The following CKAP5 variants were observed in gnomAD, a reference collection of about 807,000 sequenced individuals.
CKAP5 encodes cytoskeleton associated protein 5.
In CKAP5, 27 loss-of-function variants were observed where a neutral mutation model predicts 232.8. The observed-to-expected ratio is 0.12, with a 90% CI of 0.09 to 0.16. The LOEUF (loss-of-function observed/expected upper bound fraction) is 0.16. Ranked by LOEUF, CKAP5 falls within the 10% of genes least tolerant of loss-of-function variation. The probability of loss-of-function intolerance (pLI) is 1.00; values close to 1 mark genes in which losing one functional copy is unlikely to be tolerated. For synonymous variants in CKAP5, 785 were observed against 841.1 expected, an observed-to-expected ratio of 0.93 and a Z score of 1.16; for missense variants, 1,838 against 2,424.7, an observed-to-expected ratio of 0.76 and a Z score of 5.08.
At chr11:46,762,291 A>G in intron 31 of CKAP5, 98 bp from the exon 32 acceptor site, 2 of 1,222,434 alleles carry the variant, frequency 1.6e-6, no homozygotes, top group African/African-American at 1.5e-5. Flanking sequence ...ATGAAGGACT[A>G]AAACCTTACT....
intron 1 of CKAP5, among the ~76,000 whole-genome samples, chr11:46,833,858 A>ATATTAT (rs977361778): frequency 6.6e-6 from 1 of 151,078 alleles, no homozygotes; most frequent in Non-Finnish European, 1.5e-5. Flanking sequence ...TATTATTATT[A>ATATTAT]TATTATTATT....
intron 18 of CKAP5, among the ~76,000 whole-genome samples, chr11:46,781,213 C>T (rs2065338749): frequency 6.6e-6 from 1 of 152,176 alleles, no homozygotes; most frequent in South Asian, 2.1e-4. Flanking sequence ...TCAGGCTATC[C>T]TTGACTTTTT....
At chr11:46,767,966 T>C (rs2065217237) in intron 26 of CKAP5, among the ~76,000 whole-genome samples, 2 of 151,656 alleles carry the variant, frequency 1.3e-5, no homozygotes, top group African/African-American at 4.8e-5. Flanking sequence ...CTAATTTTCT[T>C]TGTAATTTTT....
intron 42 of CKAP5, among the ~76,000 whole-genome samples, chr11:46,749,457 G>GAAAA (rs951405505): frequency 1.4e-4 from 11 of 76,452 alleles, no homozygotes; most frequent in Admixed American, 3.1e-4. Context: ...TCCGTCTCAA[G>GAAAA]AAAAAAAAAA....
intron 11 of CKAP5, among the ~76,000 whole-genome samples, chr11:46,797,394 A>C (rs1030050095): frequency 3.3e-5 from 5 of 151,434 alleles, no homozygotes; most frequent in African/African-American, 1.2e-4. Context: ...CAACAACAAA[A>C]AAAAAAAAAC....
Position 46,803,840 on chromosome 11 carries a change from T to C in CKAP5, c.979-2536A>G, listed in dbSNP as rs61243239. On this transcript the variant is annotated intron_variant, in intron 8 of 43. Coordinates refer to ENST00000529230, the MANE Select transcript of CKAP5 (RefSeq NM_001008938.4). ...ATTCATTTCTGTATTGAAATCACTA[T>C]TGGTATTTATAAATGTTCTGATTAT... Among the ~76,000 whole-genome samples, 1,079 of 152,336 alleles carry C rather than the reference T, an allele frequency of 7.1e-3. 15 individuals carry two copies. Among genetic ancestry groups the C allele is most frequent in the African/African-American group, 0.025 (1,041 of 41,572 alleles).
intron 38 of CKAP5, among the ~76,000 whole-genome samples, chr11:46,752,193 T>TATATATATATATACACAC (rs1408030107): frequency 3.3e-4 from 22 of 66,524 alleles, no homozygotes; most frequent in African/African-American, 1.1e-3. Flanking sequence ...TATATATATA[T>TATATATATATATACACAC]ACACACACAC....
intron 37 of CKAP5, 21 bp from the exon 38 acceptor site, chr11:46,752,731 A>G: frequency 6.3e-7 from 1 of 1,599,216 alleles, no homozygotes; most frequent in Non-Finnish European, 8.6e-7. Context: ...AACCCAACAC[A>G]ACAGCATTAA....
intron 1 of CKAP5, 148 bp from the exon 2 acceptor site, chr11:46,821,416 CAGG>C: frequency 2.6e-6 from 1 of 380,410 alleles, no homozygotes; most frequent in East Asian, 5.3e-5. Flanking sequence ...ATTCAATTAA[CAGG>C]ACTTTTTTTT....
chr11:46,783,299 C>T lies in CKAP5; in HGVS notation c.2224G>A (p.Ala742Thr). 1 of 1,610,930 alleles carries T rather than the reference C, an allele frequency of 6.2e-7. No homozygotes were observed. Among genetic ancestry groups the T allele is most frequent in the South Asian group, 1.1e-5 (1 of 90,700 alleles). ...CCAGAAAAACCAAATTCTTTTATGGCATTTGATAGCCAATTCAGAGTTTCT... is the reference window on the plus strand; with the variant it reads ...CCAGAAAAACCAAATTCTTTTATGGTATTTGATAGCCAATTCAGAGTTTCT... The part of the protein sequence containing the change: ...QSETLNWLSN[A>T]IKEFGFSGLN... The change falls in exon 18 of 44, where the codon GCC becomes ACC. Residue 742 changes from alanine (A) to threonine (T), a missense_variant. Around this residue, in one of 6 missense-constraint regions of CKAP5, gnomAD observed 767 missense variants for 954.6 expected, o/e 0.80. Transcript: ENST00000529230.
rs969399934 is a variant in CKAP5 at position 46,788,539 on chromosome 11, A to G, written c.1968+142T>C. 8 of 552,248 alleles carry G rather than the reference A, an allele frequency of 1.4e-5. No homozygotes were observed. The African/African-American group carries it at 1.6e-4, about 11-fold the overall frequency. The allele number at this position is 552,248 out of a possible 1,614,324, so 34.2% of individuals were successfully genotyped here. On this transcript the variant is annotated intron_variant, in intron 16 of 43. Transcript: ENST00000529230. ...TGGTGAGCCAAGGTCGTGCCATTGC[A>G]CTCCAGCCTGGGCAACAAGAGCGAA...
At chr11:46,744,956 T>C (rs1425035661) in intron 42 of CKAP5, among the ~76,000 whole-genome samples, 1 of 152,154 alleles carries the variant, frequency 6.6e-6, no homozygotes, top group Non-Finnish European at 1.5e-5. Context: ...AAGAATTAGA[T>C]TAAGTTTGGA....
chr11:46,744,282 A>T lies in CKAP5; in HGVS notation c.5857-17T>A. 3.1e-6 allele frequency: 5 copies of T among 1,613,612 alleles called. No individual in the cohort carries two copies. Among genetic ancestry groups the T allele is most frequent in the Non-Finnish European group, 4.2e-6 (5 of 1,179,832 alleles). On this transcript the variant is annotated splice_polypyrimidine_tract_variant and intron_variant, in intron 43 of 43. Coordinates refer to ENST00000529230, the MANE Select transcript of CKAP5 (RefSeq NM_001008938.4). ...GTCATCTTGCTATTGAGAGAAGGAG[A>T]GAGATTGTCTAAGGTCAGGTCAAGC...
At chr11:46,757,089 T>C (rs2065115864) in intron 35 of CKAP5, among the ~76,000 whole-genome samples, 1 of 151,896 alleles carries the variant, frequency 6.6e-6, no homozygotes, top group Admixed American at 6.6e-5. Flanking sequence ...TTATAAAATG[T>C]CCTTAATTTG....
Position 46,759,392 on chromosome 11 carries a change from C to T in CKAP5, c.4445G>A (p.Arg1482Gln), listed in dbSNP as rs1280546778. 11 of 1,614,104 alleles carry T rather than the reference C, an allele frequency of 6.8e-6. 1 individual carries two copies. Among genetic ancestry groups the T allele is most frequent in the South Asian group, 2.2e-5 (2 of 91,068 alleles). Reference sequence around the variant, plus strand: ...CTCATCTAGATCCAGCTGGAATTCTCGGCGGACCATCTGGGCTGCCTCAGG... The same window carrying T: ...CTCATCTAGATCCAGCTGGAATTCTTGGCGGACCATCTGGGCTGCCTCAGG... ...GHPEAAQMVR[R>Q]EFQLDLDEIE... The change falls in exon 34 of 44, where the codon CGA becomes CAA. Residue 1482 changes from arginine (R) to glutamine (Q), a missense_variant. Coordinates refer to ENST00000529230, the MANE Select transcript of CKAP5 (RefSeq NM_001008938.4).
At chr11:46,794,074 G>A (rs1459664153) in intron 13 of CKAP5, among the ~76,000 whole-genome samples, 2 of 152,170 alleles carry the variant, frequency 1.3e-5, no homozygotes, top group African/African-American at 4.8e-5. Flanking sequence ...AAAGAATGAA[G>A]TTGGACACCG....
chr11:46,744,645 A>C (rs1295245207), intron 42 of CKAP5, 68 bp from the exon 43 acceptor site: 1 of 1,402,800 alleles, frequency 7.1e-7, no homozygotes, highest in African/African-American at 1.4e-5. Flanking sequence ...GCCTTGGTTA[A>C]TCTCCCACCA....
At chr11:46,761,924 G>A in intron 32 of CKAP5, 76 bp downstream of exon 32, 4 of 1,225,080 alleles carry the variant, frequency 3.3e-6, no homozygotes, top group Non-Finnish European at 4.7e-6. Flanking sequence ...CAGTTGAGAG[G>A]ACAGGAAACC....
chr11:46,838,505 G>C (rs115541022), intron 1 of CKAP5, among the ~76,000 whole-genome samples: 3,075 of 151,400 alleles, frequency 0.02, 105 homozygotes, highest in African/African-American at 0.071. Flanking sequence ...AGACACGGTG[G>C]CTCACGCCTG....
Sources: gnomAD v4.1 joint callset for allele counts (sites outside exome capture counted in the v4.1 genomes callset) on GRCh38, gnomAD v4.1.1 for gene constraint, gnomAD v4.1.1 regional missense constraint, MANE v1.5 for transcripts, NCBI Gene and HGNC (gene_info 2026-07-23, HGNC 2026-07-21) for gene names.